PODNL1: variants seen among roughly 807,000 people sequenced by gnomAD.
The protein encoded by PODNL1 is podocan like 1, also known as podocan-like protein 1.
PODNL1 carries 50 observed loss-of-function variants against 45.1 expected under a neutral mutation model. The observed-to-expected ratio is 1.11, with a 90% CI of 0.88 to 1.40. The LOEUF is 1.40. PODNL1 is among the 40% of genes most tolerant of loss of function. The pLI, the probability that PODNL1 is intolerant of heterozygous loss-of-function variation, is 0.00. For missense variants in PODNL1, 788 were observed against 793.3 expected, an observed-to-expected ratio of 0.99 and a Z score of 0.08; for synonymous variants, 406 against 372.5, an observed-to-expected ratio of 1.09 and a Z score of -1.04.
chr19:13,943,019 C>T (rs901787737), upstream of PODNL1, among the ~76,000 whole-genome samples: 3 of 150,024 alleles, frequency 2.0e-5, no homozygotes, highest in South Asian at 6.4e-4. Context: ...CAGAAAGGGC[C>T]AGGCACGGTG....
upstream of PODNL1, among the ~76,000 whole-genome samples, chr19:13,938,759 T>TC (rs769374570): frequency 1.6e-5 from 2 of 125,082 alleles, no homozygotes; most frequent in Non-Finnish European, 3.4e-5. Flanking sequence ...CGCCCCCTCC[T>TC]CCCCCCGCAA....
chr19:13,935,928 C>G, intron 4 of PODNL1, 52 bp downstream of exon 4: 2 of 1,544,080 alleles, frequency 1.3e-6, no homozygotes, highest in Non-Finnish European at 1.8e-6. Context: ...GGCTGAGTGA[C>G]TGAAGCTGCA....
Position 13,932,959 on chromosome 19 carries a change from TG to T in PODNL1, c.1263del (p.Thr422LeufsTer74). ...NQLTRLPMGL[P>X]TGLRTLQLQR... ...TGCAGCTGCAGGGTGCGCAGGCCAG[TG>T]GGCAGGCCCATGGGCAGCCGGGTTA... On this transcript the variant is annotated frameshift_variant, in exon 8 of 10. Coordinates refer to ENST00000588872, the MANE Select transcript of PODNL1 (RefSeq NM_001370095.3). LOFTEE classifies it high-confidence loss of function. 1 of 1,559,426 alleles carries T rather than the reference TG, an allele frequency of 6.4e-7. No individual in the cohort carries two copies. Among genetic ancestry groups the T allele is most frequent in the South Asian group, 1.2e-5 (1 of 86,346 alleles).
At chr19:13,935,870 G>T (rs557005438) in intron 4 of PODNL1, 40 bp from the exon 5 acceptor site, 34 of 1,565,662 alleles carry the variant, frequency 2.2e-5, no homozygotes, top group African/African-American at 6.8e-5. Context: ...GTCCTGGTGC[G>T]CCTTGGCCCC....
intron 5 of PODNL1, 40 bp downstream of exon 5, chr19:13,935,681 G>T: frequency 7.1e-7 from 1 of 1,414,808 alleles, no homozygotes. Context: ...TGACACAGAT[G>T]TATCTGAGGC....
chr19:13,932,573 C>T, intron 8 of PODNL1: 2 of 1,259,338 alleles, frequency 1.6e-6, no homozygotes, highest in Non-Finnish European at 2.2e-6. Context: ...CCAGGCTGGT[C>T]TCAAACCCAT....
Position 13,932,822 on chromosome 19 carries a change from G to A in PODNL1, c.1401C>T (p.Thr467=), listed in dbSNP as rs1362573556. The change falls in exon 8 of 10, where the codon ACC becomes ACT. Residue 467 remains threonine (T), a synonymous_variant. Transcript: ENST00000588872. The stretch of plus-strand genomic sequence containing the variant: ...CCTGGAGGGCTTGGAGCTCATGCCA[G>A]GTGCCTGGCCCGATGTCGCCGACCC... ...RLRVGDIGPG[T]WHELQALQML... is the part of the protein sequence containing the mutation. 2 of 1,612,978 alleles carry A rather than the reference G, an allele frequency of 1.2e-6. No individual in the cohort carries two copies. Among genetic ancestry groups the A allele is most frequent in the Non-Finnish European group, 8.5e-7 (1 of 1,180,010 alleles).
intron 1 of PODNL1, among the ~76,000 whole-genome samples, chr19:13,944,543 C>T (rs962787468): frequency 1.3e-5 from 2 of 151,344 alleles, no homozygotes; most frequent in East Asian, 1.9e-4. Flanking sequence ...CTGCAGCCTC[C>T]GATCCCTGGG....
chr19:13,932,229 G>GCCCC, intron 8 of PODNL1, 117 bp from the exon 9 acceptor site: 1 of 1,184,294 alleles, frequency 8.4e-7, no homozygotes, highest in Non-Finnish European at 1.0e-6. Flanking sequence ...TGGCCCTTCT[G>GCCCC]CCCCCCACCC....
chr19:13,951,049 C>CAAAAAA (rs59269074), intron 1 of PODNL1, among the ~76,000 whole-genome samples: 4 of 66,652 alleles, frequency 6.0e-5, no homozygotes, highest in Non-Finnish European at 8.5e-5. Context: ...AACTCCATCT[C>CAAAAAA]AAAAAAAAAA....
In PODNL1 at chr19:13,933,874, G is replaced by C. The variant is rs565795950; in HGVS notation, c.767+4C>G. 6 of 1,596,968 alleles carry C rather than the reference G, an allele frequency of 3.8e-6. No homozygotes were observed. In the African/African-American group the frequency reaches 8.1e-5, roughly 21 times the overall value. ...GCCCCTGCTGCCCCCCAACCAGCCT[G>C]TACCTGAAGGTGGTGGCATCCAGGC... On this transcript the variant is annotated splice_donor_region_variant and intron_variant, in intron 7 of 9. Coordinates refer to ENST00000588872, the MANE Select transcript of PODNL1 (RefSeq NM_001370095.3). The surrounding 1 kb of genome is among the most constrained non-coding windows in gnomAD (Gnocchi z 5.2).
exon 1 of PODNL1, chr19:13,953,181 A>G (rs1323014595): frequency 3.5e-5 from 53 of 1,501,028 alleles, no homozygotes; most frequent in Non-Finnish European, 4.7e-5. Flanking sequence ...CTTCCCCCGC[A>G]GAGTGAGAGT....
rs376134617 is a variant in PODNL1 at position 13,933,066 on chromosome 19, C to T, written c.1157G>A (p.Arg386His). ...GTGGTGCACACGGGCGCTGGCCAGG[C>T]GGTTATAGGCCAGGTTAAGCTCCGT... The part of the protein sequence containing the change: ...GLTELNLAYN[R>H]LASARVHHRA... The change falls in exon 8 of 10, where the codon CGC becomes CAC. Residue 386 changes from arginine (R) to histidine (H), a missense_variant. Physicochemically the swap from Arg to His is conservative, Grantham distance 29. Coordinates refer to ENST00000588872, the MANE Select transcript of PODNL1 (RefSeq NM_001370095.3). The surrounding 1 kb of genome is among the most constrained non-coding windows in gnomAD (Gnocchi z 5.2). 4.8e-5 allele frequency: 73 copies of T among 1,534,942 alleles called. No homozygotes were observed. The highest frequency in any genetic ancestry group is 1.7e-4 in the Middle Eastern group (1 of 5,958).
Position 13,938,380 on chromosome 19 carries a change from G to A in PODNL1, c.-199C>T, listed in dbSNP as rs1972524860. On this transcript the variant is annotated 5_prime_UTR_variant, in exon 1 of 10. Coordinates refer to ENST00000588872, the MANE Select transcript of PODNL1 (RefSeq NM_001370095.3). ...CCCTTCCCCGCCCTGGGGAGGACGG[G>A]CAGGCGGCCGGATGGGGTGGTGAGG... The A allele has an allele frequency of 3.6e-6, 5 of 1,392,118 alleles. No individual in the cohort carries two copies. The South Asian group carries it at 5.2e-5, about 15-fold the overall frequency. The allele number at this position is 1,392,118 out of a possible 1,614,324, so 86.2% of individuals were successfully genotyped here.
Position 13,933,010 on chromosome 19 carries a change from T to C in PODNL1, c.1213A>G (p.Ser405Gly), listed in dbSNP as rs1261047185. The C allele has an allele frequency of 1.3e-6, 2 of 1,542,152 alleles. No homozygotes were observed. Among genetic ancestry groups the C allele is most frequent in the Non-Finnish European group, 8.7e-7 (1 of 1,149,578 alleles). Reference sequence around the variant, plus strand: ...AGCTGATTCCCTGCCAGGTCGAGGCTGCGCAGGGCACGCAACCGGCGGAAG... The same window carrying C: ...AGCTGATTCCCTGCCAGGTCGAGGCCGCGCAGGGCACGCAACCGGCGGAAG... ...RAFRRLRALR[S>G]LDLAGNQLTR... is the part of the protein sequence containing the mutation. The change falls in exon 8 of 10, where the codon AGC becomes GGC. Residue 405 changes from serine to glycine, a missense_variant. Physicochemically the swap from Ser to Gly is moderately conservative, Grantham distance 56. Around this residue, in one of 3 missense-constraint regions of PODNL1, gnomAD observed 762 missense variants for 750.9 expected, o/e 1.01. Coordinates refer to ENST00000588872, the MANE Select transcript of PODNL1 (RefSeq NM_001370095.3). The surrounding 1 kb of genome is among the most constrained non-coding windows in gnomAD (Gnocchi z 5.2).
Position 13,937,814 on chromosome 19 carries a change from T to C in PODNL1, c.196A>G (p.Thr66Ala). Residue 66 changes from threonine to alanine, a missense_variant, in exon 2 of 10, where the codon ACC becomes GCC. Thr to Ala is a moderately conservative substitution (Grantham distance 58). Coordinates refer to ENST00000588872, the MANE Select transcript of PODNL1 (RefSeq NM_001370095.3). ...LDLRVFPDNI[T>A]RAAQHLSLQN... ...AGGGAGAGGTGCTGAGCGGCTCTGGTGATGTTGTCCGGGAACACTCGAAGG... is the reference window on the plus strand; with the variant it reads ...AGGGAGAGGTGCTGAGCGGCTCTGGCGATGTTGTCCGGGAACACTCGAAGG... 3 of 1,593,028 alleles carry C rather than the reference T, an allele frequency of 1.9e-6. No homozygotes were observed. The highest frequency in any genetic ancestry group is 1.8e-5 in the Admixed American group (1 of 55,942).
chr19:13,935,472 G>A (rs1156540277), intron 5 of PODNL1, among the ~76,000 whole-genome samples: 2 of 151,944 alleles, frequency 1.3e-5, no homozygotes, highest in African/African-American at 2.4e-5. Context: ...GATTACAGGC[G>A]CACACCACCA....
Position 13,933,511 on chromosome 19 carries a change from G to C in PODNL1, c.768-56C>G. 1 of 1,499,268 alleles carries C rather than the reference G, an allele frequency of 6.7e-7. No homozygotes were observed. The highest frequency in any genetic ancestry group is 8.9e-7 in the Non-Finnish European group (1 of 1,126,210). 92.9% of individuals were successfully genotyped at this position (1,499,268 alleles called of 1,614,324 possible). A position where few individuals can be genotyped will look rare whatever the true frequency, so the allele number is the denominator to read the frequency against. The stretch of plus-strand genomic sequence containing the variant: ...GGCACTTGGAGTGGGGTGCCTGACA[G>C]ATTTTGGCGGGGAGGCTGGGGAGTG... On this transcript the variant is annotated intron_variant, in intron 7 of 9. Transcript: ENST00000588872. This position sits in a 1 kb window ranked among gnomAD's most constrained non-coding sequence, Gnocchi z 5.2.
chr19:13,933,176 C>A lies in PODNL1; in HGVS notation c.1047G>T (p.Leu349=). The A allele has an allele frequency of 1.3e-6, 2 of 1,533,114 alleles. No homozygotes were observed. The highest frequency in any genetic ancestry group is 2.4e-5 in the East Asian group (1 of 40,890). The allele number at this position is 1,533,114 out of a possible 1,614,324, so 95.0% of individuals were successfully genotyped here. The change falls in exon 8 of 10, where the codon CTG becomes CTT. Residue 349 remains leucine, a synonymous_variant. Transcript: ENST00000588872. The surrounding 1 kb of genome is among the most constrained non-coding windows in gnomAD (Gnocchi z 5.2). ...GNGLDRVPPA[L]PRRLRALVLP... Reference sequence around the variant, plus strand: ...GCACCAGGGCACGCAGGCGGCGGGGCAGGGCTGGAGGCACGCGGTCCAGCC... The same window carrying A: ...GCACCAGGGCACGCAGGCGGCGGGGAAGGGCTGGAGGCACGCGGTCCAGCC...
Sources: gnomAD v4.1 joint callset for allele counts (sites outside exome capture counted in the v4.1 genomes callset) on GRCh38, gnomAD v4.1.1 for gene constraint, gnomAD v4.1.1 regional missense constraint, Gnocchi (gnomAD v3.1) non-coding constraint, MANE v1.5 for transcripts, NCBI Gene and HGNC (gene_info 2026-07-23, HGNC 2026-07-21) for gene names.